The following KCNN2 variants were observed in gnomAD, a reference collection of about 807,000 sequenced individuals.
The protein encoded by KCNN2 is potassium calcium-activated channel subfamily N member 2.
In KCNN2, 24 loss-of-function variants were observed where a neutral mutation model predicts 55.5. The ratio of observed to expected loss-of-function variants is 0.43; its 90% CI spans 0.31 to 0.61. The LOEUF (loss-of-function observed/expected upper bound fraction) is 0.61. KCNN2 is among the 20% of genes least tolerant of loss of function. The probability of loss-of-function intolerance (pLI) is 0.08; values close to 1 mark genes in which losing one functional copy is unlikely to be tolerated. For synonymous variants in KCNN2, 431 were observed against 336.1 expected, an observed-to-expected ratio of 1.28 and a Z score of -3.09; for missense variants, 754 against 853.6, an observed-to-expected ratio of 0.88 and a Z score of 1.45.
At chr5:114,273,488 T>G (rs1263795297) in intron 2 of KCNN2, among the ~76,000 whole-genome samples, 3 of 152,180 alleles carry the variant, frequency 2.0e-5, no homozygotes, top group African/African-American at 7.2e-5. Context: ...ACCACGTTCC[T>G]ATTTTTCCAT....
intron 1 of KCNN2, among the ~76,000 whole-genome samples, chr5:114,084,196 A>G (rs192939361): frequency 1.3e-5 from 2 of 152,242 alleles, no homozygotes; most frequent in Admixed American, 1.3e-4. Context: ...GTAGACATGT[A>G]GAAGCATGAT....
chr5:114,309,903 G>A (rs905702112), intron 2 of KCNN2, among the ~76,000 whole-genome samples: 48 of 152,274 alleles, frequency 3.2e-4, no homozygotes, highest in Middle Eastern at 3.4e-3. Flanking sequence ...TTTGAAAGAC[G>A]AAAATAGAGG....
intron 2 of KCNN2, among the ~76,000 whole-genome samples, chr5:114,386,778 C>G (rs985037011): frequency 2.6e-5 from 4 of 152,160 alleles, no homozygotes; most frequent in Non-Finnish European, 5.9e-5. Context: ...AACATGTCAG[C>G]GAATACATTC....
Position 114,363,036 on chromosome 5 carries a change from A to AGGCAGCACTGGAGGAGGCGGC in KCNN2, c.901_921dup (p.Ser301_Gly307dup). ...TGGCGCTCTATGGAACCGGCGGCGG[A>AGGCAGCACTGGAGGAGGCGGC]GGCAGCACTGGAGGAGGCGGCGGCG... On this transcript the variant is annotated inframe_insertion, in exon 1 of 8. Transcript: ENST00000673685. 6.2e-7 allele frequency: 1 copy of AGGCAGCACTGGAGGAGGCGGC among 1,605,342 alleles called. No individual in the cohort carries two copies. The highest frequency in any genetic ancestry group is 8.5e-7 in the Non-Finnish European group (1 of 1,177,810).
chr5:114,203,872 G>A (rs891864061), intron 1 of KCNN2, among the ~76,000 whole-genome samples: 6 of 152,172 alleles, frequency 3.9e-5, no homozygotes, highest in African/African-American at 1.4e-4. Flanking sequence ...ACCGAATAAA[G>A]ACTGGTGGAA....
intron 3 of KCNN2, among the ~76,000 whole-genome samples, chr5:114,447,356 T>C (rs1221943643): frequency 6.6e-6 from 1 of 152,230 alleles, no homozygotes; most frequent in East Asian, 1.9e-4. Flanking sequence ...GCTATTGTAT[T>C]TGGCTAAGAG....
chr5:114,202,000 G>T (rs1753681871), intron 1 of KCNN2, among the ~76,000 whole-genome samples: 1 of 152,168 alleles, frequency 6.6e-6, no homozygotes, highest in South Asian at 2.1e-4. Flanking sequence ...TGGGGAGTGT[G>T]ATGCTCATGT....
chr5:114,370,749 C>A (rs575958063), intron 2 of KCNN2, among the ~76,000 whole-genome samples: 1 of 152,048 alleles, frequency 6.6e-6, no homozygotes, highest in African/African-American at 2.4e-5. Context: ...TGGTACCAAA[C>A]AGAATGGGAG....
intron 2 of KCNN2, among the ~76,000 whole-genome samples, chr5:114,283,985 C>T (rs971703995): frequency 6.6e-6 from 1 of 152,196 alleles, no homozygotes; most frequent in African/African-American, 2.4e-5. Context: ...AGAATAGGCA[C>T]TTTGGCCAGA....
At chr5:114,495,356 A>G (rs1051684344) in intron 7 of KCNN2, among the ~76,000 whole-genome samples, 6 of 152,172 alleles carry the variant, frequency 3.9e-5, no homozygotes, top group Non-Finnish European at 8.8e-5. Flanking sequence ...ATCTTTAGGA[A>G]TTTATTGCTT....
At chr5:114,117,762 T>C (rs1017324544) in intron 1 of KCNN2, among the ~76,000 whole-genome samples, 10 of 152,174 alleles carry the variant, frequency 6.6e-5, no homozygotes, top group Non-Finnish European at 1.2e-4. Flanking sequence ...ATGTAAGTAG[T>C]CCTTGAGCCC....
At chr5:114,057,404 A>G (rs1036309784) in intron 1 of KCNN2, among the ~76,000 whole-genome samples, 2 of 152,226 alleles carry the variant, frequency 1.3e-5, no homozygotes, top group African/African-American at 2.4e-5. Context: ...TAATTTATTC[A>G]TAATCATACA....
intron 2 of KCNN2, among the ~76,000 whole-genome samples, chr5:114,284,094 C>A (rs867282018): frequency 7.2e-5 from 11 of 152,146 alleles, no homozygotes; most frequent in African/African-American, 2.7e-4. Flanking sequence ...TAAAGAACTC[C>A]ACCCCTCTCA....
At chr5:114,402,769 G>A (rs1046792462) in intron 2 of KCNN2, among the ~76,000 whole-genome samples, 1 of 152,222 alleles carries the variant, frequency 6.6e-6, no homozygotes, top group Non-Finnish European at 1.5e-5. Flanking sequence ...GCACAGGTGG[G>A]TGGTGGCCAT....
chr5:114,346,623 T>C (rs1355075718), intron 2 of KCNN2, among the ~76,000 whole-genome samples: 1 of 152,122 alleles, frequency 6.6e-6, no homozygotes, highest in Non-Finnish European at 1.5e-5. Context: ...GAGATAGACA[T>C]AGATATTAAA....
intron 1 of KCNN2, among the ~76,000 whole-genome samples, chr5:114,157,921 A>G (rs557325808): frequency 1.8e-4 from 28 of 151,510 alleles, no homozygotes; most frequent in African/African-American, 6.3e-4. Context: ...TCAGATGAGT[A>G]GATTGCAAAA....
chr5:114,066,314 A>T lies in KCNN2; in HGVS notation c.-271+9814A>T, dbSNP rs140028094. Among the ~76,000 whole-genome samples the T allele has an allele frequency of 3.9e-5, 6 of 152,326 alleles. No homozygotes were observed. The East Asian group carries it at 9.7e-4, about 25-fold the overall frequency. Reference sequence around the variant, plus strand: ...CATTTTGCTCTTGTGGCTCCATGATAAAAACCAACAGATACAAGCTTTACC... The same window carrying T: ...CATTTTGCTCTTGTGGCTCCATGATTAAAACCAACAGATACAAGCTTTACC... On this transcript the variant is annotated intron_variant, in intron 1 of 10. Transcript: ENST00000512097.
At chr5:114,133,410 T>G (rs1424349492) in intron 1 of KCNN2, among the ~76,000 whole-genome samples, 2 of 152,240 alleles carry the variant, frequency 1.3e-5, no homozygotes, top group African/African-American at 4.8e-5. Context: ...AGGCAGTGAC[T>G]AGGCTTAGAG....
chr5:114,473,843 T>C (rs575943874), intron 5 of KCNN2, among the ~76,000 whole-genome samples: 3 of 152,276 alleles, frequency 2.0e-5, no homozygotes, highest in African/African-American at 7.2e-5. Flanking sequence ...ATTTTATAAA[T>C]GTGGAAACTA....
Sources: allele counts gnomAD v4.1 joint callset (sites outside exome capture counted in the v4.1 genomes callset), GRCh38; gene constraint gnomAD v4.1.1; transcripts MANE v1.5; gene names NCBI Gene and HGNC (gene_info 2026-07-23, HGNC 2026-07-21).